The following MDGA2 variants were observed in gnomAD, a reference collection of about 807,000 sequenced individuals.
The protein encoded by MDGA2 is MAM domain containing glycosylphosphatidylinositol anchor 2.
MDGA2 carries 40 observed loss-of-function variants against 117.8 expected under a neutral mutation model. That is an observed-to-expected ratio of 0.34 (90% CI 0.26 to 0.44). The LOEUF (loss-of-function observed/expected upper bound fraction) is 0.44, where lower values mean the gene tolerates loss of function less well. Ranked by LOEUF, MDGA2 falls within the 20% of genes least tolerant of loss-of-function variation. The pLI is 1.00. For missense variants in MDGA2, 1,123 were observed against 1,250.6 expected (o/e 0.90, Z 1.54); for synonymous variants, 452 against 439.0 (o/e 1.03, Z -0.37).
chr14:46,935,238 C>T (rs1884736491), intron 9 of MDGA2, among the ~76,000 whole-genome samples: 1 of 152,010 alleles, frequency 6.6e-6, no homozygotes, highest in Non-Finnish European at 1.5e-5. Context: ...GCACAAATCG[C>T]CCATTTTGTA....
chr14:47,279,637 T>A (rs2139730225), intron 2 of MDGA2, among the ~76,000 whole-genome samples: 1 of 152,230 alleles, frequency 6.6e-6, no homozygotes, highest in Non-Finnish European at 1.5e-5. Flanking sequence ...TAAAAAGGCT[T>A]CCCTATCCTG....
chr14:47,074,111 ATTAAT>A (rs1410752651), intron 6 of MDGA2, among the ~76,000 whole-genome samples: 4 of 144,936 alleles, frequency 2.8e-5, no homozygotes, highest in African/African-American at 1.1e-4. Flanking sequence ...TTAATGATTA[ATTAAT>A]TTAATTAATC....
intron 2 of MDGA2, chr14:47,299,253 T>A (rs370142332): frequency 6.6e-6 from 1 of 152,166 alleles, no homozygotes; most frequent in Admixed American, 6.5e-5. Flanking sequence ...AATGTATGGA[T>A]AAAATGGGAA....
At chr14:47,160,352 C>A (rs1204608475) in intron 3 of MDGA2, among the ~76,000 whole-genome samples, 1 of 152,150 alleles carries the variant, frequency 6.6e-6, no homozygotes, top group Non-Finnish European at 1.5e-5. Flanking sequence ...AGGCATCTAT[C>A]TTGCAGTTAA....
rs1416017409 is a variant in MDGA2, at chr14:47,061,372, T to C, written c.1402A>G (p.Thr468Ala). Residue 468 changes from threonine (T) to alanine (A), a missense_variant, in exon 7 of 17, where the codon ACA becomes GCA. Coordinates refer to ENST00000399232, the MANE Select transcript of MDGA2 (RefSeq NM_001113498.3). The part of the protein sequence containing the change: ...TQTDPDVSPG[T>A]TNLDIIDLKF... ...AAATCAATGATGTCCAAGTTTGTTG[T>C]TCCCGGAGAGACATCAGGATCAGTC... is the stretch of plus-strand genomic sequence containing the variant. The C allele has an allele frequency of 1.2e-6, 2 of 1,613,676 alleles. No individual in the cohort carries two copies. The highest frequency in any genetic ancestry group is 2.2e-5 in the South Asian group (2 of 91,078).
At chr14:46,962,864 A>G (rs1885865622) in intron 8 of MDGA2, among the ~76,000 whole-genome samples, 1 of 152,158 alleles carries the variant, frequency 6.6e-6, no homozygotes, top group African/African-American at 2.4e-5. Context: ...TTAGAGAAAA[A>G]TAAAAGCTTT....
chr14:47,071,279 T>A (rs1890271298), intron 6 of MDGA2, among the ~76,000 whole-genome samples: 1 of 152,150 alleles, frequency 6.6e-6, no homozygotes, highest in Non-Finnish European at 1.5e-5. Flanking sequence ...TTCTCCAATG[T>A]GGTAAGCTCT....
intron 8 of MDGA2, among the ~76,000 whole-genome samples, chr14:47,003,233 C>T (rs1467114328): frequency 6.6e-6 from 1 of 152,014 alleles, no homozygotes; most frequent in African/African-American, 2.4e-5. Context: ...TTGTTGCCAG[C>T]TTTTGACTAT....
intron 1 of MDGA2, among the ~76,000 whole-genome samples, chr14:47,370,831 C>G (rs1041447723): frequency 6.6e-6 from 1 of 151,570 alleles, no homozygotes; most frequent in African/African-American, 2.4e-5. Flanking sequence ...TCTGTATTCC[C>G]ATTTTGTTTA....
rs986252175 is a variant in MDGA2 at position 46,986,899 on chromosome 14, C to T, written c.1820-29256G>A. Among the ~76,000 whole-genome samples the T allele has an allele frequency of 3.9e-5, 6 of 152,130 alleles. No homozygotes were observed. The East Asian group carries it at 1.2e-3, about 29-fold the overall frequency. On this transcript the variant is annotated intron_variant, in intron 8 of 16. Coordinates refer to ENST00000399232, the MANE Select transcript of MDGA2 (RefSeq NM_001113498.3). ...AACAATGCTTATTGATTTTCATGACCATTCTGAGAGATGGACTTTATAACT... is the reference window on the plus strand; with the variant it reads ...AACAATGCTTATTGATTTTCATGACTATTCTGAGAGATGGACTTTATAACT...
chr14:47,086,636 T>G (rs916341734), intron 6 of MDGA2, among the ~76,000 whole-genome samples: 1 of 152,070 alleles, frequency 6.6e-6, no homozygotes, highest in African/African-American at 2.4e-5. Context: ...TAAATAATTA[T>G]CAATAGTTTC....
At chr14:47,257,514 C>T (rs1887662453) in intron 2 of MDGA2, among the ~76,000 whole-genome samples, 2 of 152,240 alleles carry the variant, frequency 1.3e-5, no homozygotes, top group South Asian at 4.1e-4. Flanking sequence ...TGTTTATTGT[C>T]TGCATCCCCT....
At chr14:47,295,836 G>A (rs1257293430) in intron 2 of MDGA2, among the ~76,000 whole-genome samples, 3 of 152,018 alleles carry the variant, frequency 2.0e-5, no homozygotes, top group Non-Finnish European at 4.4e-5. Context: ...CCCAAGAGGC[G>A]GAGGTTGCAG....
intron 1 of MDGA2, among the ~76,000 whole-genome samples, chr14:47,562,981 CATT>C (rs1244399993): frequency 6.6e-6 from 1 of 152,086 alleles, no homozygotes; most frequent in Non-Finnish European, 1.5e-5. Flanking sequence ...GCCTTAATCT[CATT>C]ATTTACTCAA....
At chr14:47,173,405 T>G (rs1365346521) in intron 3 of MDGA2, among the ~76,000 whole-genome samples, 3 of 152,082 alleles carry the variant, frequency 2.0e-5, no homozygotes. Context: ...GAGAGAAAGG[T>G]TGGGTTACCC....
At chr14:47,672,116 A>C (rs1898085992) in intron 1 of MDGA2, among the ~76,000 whole-genome samples, 1 of 152,252 alleles carries the variant, frequency 6.6e-6, no homozygotes, top group Non-Finnish European at 1.5e-5. Flanking sequence ...GCTGAAGATT[A>C]GGGGCCTAAT....
At chr14:47,109,974 C>CA (rs1566630155) in intron 5 of MDGA2, among the ~76,000 whole-genome samples, 2 of 151,946 alleles carry the variant, frequency 1.3e-5, no homozygotes, top group South Asian at 2.1e-4. Context: ...ATAAAATAAT[C>CA]AAAAAAACCT....
chr14:47,376,149 A>C (rs1466388554), intron 1 of MDGA2, among the ~76,000 whole-genome samples: 1 of 152,170 alleles, frequency 6.6e-6, no homozygotes, highest in African/African-American at 2.4e-5. Flanking sequence ...CATGTTCATC[A>C]GTCTTTATTT....
intron 1 of MDGA2, among the ~76,000 whole-genome samples, chr14:47,605,338 G>A (rs1286643846): frequency 6.6e-6 from 1 of 152,076 alleles, no homozygotes; most frequent in Non-Finnish European, 1.5e-5. Flanking sequence ...TTGTATATGT[G>A]TGCATATGGA....
Sources: allele counts gnomAD v4.1 joint callset (sites outside exome capture counted in the v4.1 genomes callset), GRCh38; gene constraint gnomAD v4.1.1; transcripts MANE v1.5; gene names NCBI Gene and HGNC (gene_info 2026-07-23, HGNC 2026-07-21).